PDGFRL: variants seen among roughly 807,000 people sequenced by gnomAD.
PDGFRL encodes the protein platelet derived growth factor receptor like.
A neutral mutation model predicts 37.2 loss-of-function variants in PDGFRL; 46 were observed. That is an observed-to-expected ratio of 1.24 (90% CI 0.98 to 1.58). The LOEUF is 1.58. PDGFRL is among the 40% of genes most tolerant of loss of function. The probability of loss-of-function intolerance (pLI) is 0.00; values close to 1 mark genes in which losing one functional copy is unlikely to be tolerated. For synonymous variants in PDGFRL, 251 were observed against 184.3 expected (o/e 1.36, Z -2.93); for missense variants, 692 against 467.6 (o/e 1.48, Z -4.43).
chr8:17,628,945 C>G (rs573001670), intron 4 of PDGFRL, among the ~76,000 whole-genome samples, 165 bp downstream of exon 4: 2 of 151,732 alleles, frequency 1.3e-5, no homozygotes, highest in Non-Finnish European at 2.9e-5. Flanking sequence ...GAGACAGGGT[C>G]CCGTTTTGTT....
intron 2 of PDGFRL, among the ~76,000 whole-genome samples, chr8:17,616,132 A>C (rs567109786): frequency 6.6e-6 from 1 of 152,240 alleles, no homozygotes; most frequent in South Asian, 2.1e-4. Flanking sequence ...TCTGGTCAGT[A>C]GGGTTCCAAA....
intron 3 of PDGFRL, among the ~76,000 whole-genome samples, chr8:17,626,731 C>A (rs2129790794): frequency 6.6e-6 from 1 of 152,136 alleles, no homozygotes; most frequent in African/African-American, 2.4e-5. Context: ...TTCAATGTAC[C>A]ATGCCAAAAA....
intron 1 of PDGFRL, among the ~76,000 whole-genome samples, chr8:17,586,204 T>G (rs1191671305): frequency 6.6e-6 from 1 of 152,188 alleles, no homozygotes; most frequent in Admixed American, 6.5e-5. Context: ...TCCACCTTCC[T>G]TGGCCTCTCA....
chr8:17,577,413 C>T, intron 1 of PDGFRL, 106 bp downstream of exon 1: 1 of 967,056 alleles, frequency 1.0e-6, no homozygotes, highest in Admixed American at 2.0e-5. Context: ...GTTCGGCCCT[C>T]GGTGGCTCAG....
rs376050716 is a variant in PDGFRL, at chr8:17,579,809, C to T, written c.55+2502C>T. 1.1e-4 allele frequency among the ~76,000 whole-genome samples: 17 copies of T among 152,086 alleles called. No individual in the cohort carries two copies. The South Asian group carries it at 2.7e-3, about 24-fold the overall frequency. ...TAAATTTTTGGAAGTAATGTTCTTTCTCCTCATGAAGATGGGGAGCTGGAA... is the reference window on the plus strand; with the variant it reads ...TAAATTTTTGGAAGTAATGTTCTTTTTCCTCATGAAGATGGGGAGCTGGAA... On this transcript the variant is annotated intron_variant, in intron 1 of 5. Coordinates refer to ENST00000251630, the MANE Select transcript of PDGFRL (RefSeq NM_001372073.1).
intron 4 of PDGFRL, among the ~76,000 whole-genome samples, chr8:17,630,573 C>G (rs1585332557): frequency 6.6e-6 from 1 of 152,196 alleles, no homozygotes; most frequent in African/African-American, 2.4e-5. Context: ...CTTCCTGTCA[C>G]ATGCAGGCTC....
intron 2 of PDGFRL, among the ~76,000 whole-genome samples, chr8:17,613,017 A>G (rs1804453542): frequency 6.6e-6 from 1 of 152,206 alleles, no homozygotes; most frequent in Admixed American, 6.5e-5. Flanking sequence ...CTTTGCACCT[A>G]ATCTACCATG....
intron 2 of PDGFRL, among the ~76,000 whole-genome samples, chr8:17,595,194 C>A (rs1464681177): frequency 6.6e-6 from 1 of 152,148 alleles, no homozygotes; most frequent in Non-Finnish European, 1.5e-5. Flanking sequence ...CAGCCACCTC[C>A]AGGGACTCCG....
At chr8:17,585,503 C>A (rs1803796818) in intron 1 of PDGFRL, among the ~76,000 whole-genome samples, 1 of 152,100 alleles carries the variant, frequency 6.6e-6, no homozygotes, top group Non-Finnish European at 1.5e-5. Flanking sequence ...CAGCTTTGTT[C>A]TTGGAAAAGT....
intron 2 of PDGFRL, among the ~76,000 whole-genome samples, chr8:17,607,545 C>T (rs1228909033): frequency 6.6e-6 from 1 of 152,134 alleles, no homozygotes; most frequent in East Asian, 1.9e-4. Context: ...CAAGCTAGTG[C>T]GTTAAACCAA....
chr8:17,582,837 C>G (rs1044967483), intron 1 of PDGFRL, among the ~76,000 whole-genome samples: 1 of 152,030 alleles, frequency 6.6e-6, no homozygotes. Context: ...TTTGAGGAGC[C>G]CCTCCCATCC....
At chr8:17,638,738 C>CATATAT (rs56085770) in intron 5 of PDGFRL, among the ~76,000 whole-genome samples, 94 of 47,346 alleles carry the variant, frequency 2.0e-3, no homozygotes, top group Non-Finnish European at 2.4e-3. Flanking sequence ...GCATTAGGTG[C>CATATAT]ATATATATAT....
chr8:17,625,956 C>G (rs537687298), intron 3 of PDGFRL, among the ~76,000 whole-genome samples: 1 of 152,076 alleles, frequency 6.6e-6, no homozygotes, highest in African/African-American at 2.4e-5. Context: ...GATGGTGCCA[C>G]TGCACTCCAG....
intron 3 of PDGFRL, among the ~76,000 whole-genome samples, chr8:17,624,941 TTA>T (rs1804702973): frequency 6.6e-6 from 1 of 152,174 alleles, no homozygotes. Context: ...TAATTTGGAT[TTA>T]GTTTATAGCT....
At chr8:17,577,036 C>G, upstream of PDGFRL, 1 of 632,118 alleles carries the variant, frequency 1.6e-6, no homozygotes, top group Non-Finnish European at 2.6e-6. Context: ...GTGCTGCGCA[C>G]CGCGGCTCCG....
intron 1 of PDGFRL, 108 bp downstream of exon 1, chr8:17,577,415 G>T: frequency 1.1e-6 from 1 of 936,708 alleles, no homozygotes. Context: ...TCGGCCCTCG[G>T]TGGCTCAGCC....
intron 1 of PDGFRL, among the ~76,000 whole-genome samples, chr8:17,578,936 A>G (rs189435428): frequency 6.6e-6 from 1 of 152,254 alleles, no homozygotes; most frequent in African/African-American, 2.4e-5. Flanking sequence ...ACAGTGGCTC[A>G]TGCCTGTAAT....
upstream of PDGFRL, chr8:17,576,754 C>G (rs183400340): frequency 4.3e-6 from 4 of 933,082 alleles, no homozygotes; most frequent in African/African-American, 7.1e-5. Flanking sequence ...GGGCAACGGT[C>G]CTGTGAGTGA....
intron 4 of PDGFRL, among the ~76,000 whole-genome samples, chr8:17,632,618 T>C (rs28480008): frequency 0.018 from 2,665 of 152,226 alleles, 87 homozygotes; most frequent in African/African-American, 0.06. Flanking sequence ...ATTACAGGAG[T>C]GAGCCACTGT....
Sources: gnomAD v4.1 joint callset for allele counts (sites outside exome capture counted in the v4.1 genomes callset) on GRCh38, gnomAD v4.1.1 for gene constraint, MANE v1.5 for transcripts, NCBI Gene and HGNC (gene_info 2026-07-23, HGNC 2026-07-21) for gene names.